Variants in CGAS observed in about 807,000 individuals in gnomAD.
CGAS encodes the protein cyclic GMP-AMP synthase.
CGAS carries 31 observed loss-of-function variants against 34.0 expected under a neutral mutation model. The observed-to-expected ratio is 0.91, with a 90% CI of 0.69 to 1.23. The LOEUF (loss-of-function observed/expected upper bound fraction) is 1.23, where lower values mean the gene tolerates loss of function less well. CGAS is among the 50% of genes most tolerant of loss of function. CGAS has a pLI of 0.00. For synonymous variants in CGAS, 266 were observed against 260.0 expected, an observed-to-expected ratio of 1.02 and a Z score of -0.22; for missense variants, 597 against 657.6, an observed-to-expected ratio of 0.91 and a Z score of 1.01.
Position 73,449,508 on chromosome 6 carries a change from C to CACACACACACACAA in CGAS, c.657+2016_657+2017insTTGTGTGTGTGTGT, listed in dbSNP as rs569310062. ...ACACACACACACACACACACACACACAAAGTGGTTCTGAATGGAGACTGTC... is the reference window on the plus strand; with the variant it reads ...ACACACACACACACACACACACACACACACACACACACAAAAAGTGGTTCTGAATGGAGACTGTC... On this transcript the variant is annotated intron_variant, in intron 1 of 4. Coordinates refer to ENST00000370315, the MANE Select transcript of CGAS (RefSeq NM_138441.3). Among the ~76,000 whole-genome samples, 747 of 150,426 alleles carry CACACACACACACAA rather than the reference C, an allele frequency of 5.0e-3. 5 individuals carry two copies. Among genetic ancestry groups the CACACACACACACAA allele is most frequent in the East Asian group, 7.7e-3 (39 of 5,082 alleles).
At chr6:73,428,607 C>A in intron 4 of CGAS, 102 bp downstream of exon 4, 1 of 1,084,160 alleles carries the variant, frequency 9.2e-7, no homozygotes. Flanking sequence ...GCCCTGCCCC[C>A]CAGACCCAAC....
At chr6:73,442,536 G>A (rs575701476) in intron 2 of CGAS, among the ~76,000 whole-genome samples, 1 of 150,772 alleles carries the variant, frequency 6.6e-6, no homozygotes, top group South Asian at 2.1e-4. Context: ...ATGTAGCTGG[G>A]ACCACAGGCA....
intron 3 of CGAS, among the ~76,000 whole-genome samples, chr6:73,435,843 T>C (rs1329549288): frequency 1.3e-5 from 2 of 151,802 alleles, no homozygotes; most frequent in Non-Finnish European, 2.9e-5. Flanking sequence ...ATATATTTTG[T>C]ATGTATATAA....
Position 73,452,155 on chromosome 6 carries a change from C to T in CGAS, c.27G>A (p.Met9Ile), listed in dbSNP as rs1484111485. The T allele has an allele frequency of 6.2e-7, 1 of 1,608,186 alleles. No homozygotes were observed. The highest frequency in any genetic ancestry group is 8.5e-7 in the Non-Finnish European group (1 of 1,177,970). ...TGGCTCCGGCCTCGGAAGCTCTCTG[C>T]ATGGCCTTTCCGTGCCAAGGCTGCA... MQPWHGKA[M>I]QRASEAGATA... The change falls in exon 1 of 5, where the codon ATG becomes ATA. Residue 9 changes from methionine to isoleucine, a missense_variant. By Grantham distance (10) the Met-to-Ile change is conservative. Coordinates refer to ENST00000370315, the MANE Select transcript of CGAS (RefSeq NM_138441.3).
At chr6:73,449,654 T>C (rs2150018876) in intron 1 of CGAS, among the ~76,000 whole-genome samples, 1 of 152,248 alleles carries the variant, frequency 6.6e-6, no homozygotes, top group East Asian at 1.9e-4. Context: ...ATCAGAGACA[T>C]ATCTGATGCT....
In CGAS at chr6:73,445,726, C is replaced by A. The variant is rs1451822934; in HGVS notation, c.679G>T (p.Asp227Tyr). 2.5e-6 allele frequency: 4 copies of A among 1,608,186 alleles called. No individual in the cohort carries two copies. The highest frequency in any genetic ancestry group is 1.7e-5 in the Admixed American group (1 of 59,310). ...HVKISAPNEFDVMFKLEVPRI... is the reference protein window; with the variant it reads ...HVKISAPNEFYVMFKLEVPRI... ...GGGACTTCCAGTTTAAACATGACATCAAATTCATTAGGTGCAGAAATCTAA... is the reference window on the plus strand; with the variant it reads ...GGGACTTCCAGTTTAAACATGACATAAAATTCATTAGGTGCAGAAATCTAA... The change falls in exon 2 of 5, where the codon GAT becomes TAT. Residue 227 changes from aspartate (D) to tyrosine (Y), a missense_variant. Physicochemically the swap from Asp to Tyr is radical, Grantham distance 160. Transcript: ENST00000370315.
At position 73,426,329 on chromosome 6, in the gene CGAS, T is replaced by TAAATGAAATG. The variant is rs571072520; in HGVS notation, c.1218-761_1218-752dup. Among the ~76,000 whole-genome samples, 101 of 146,152 alleles carry TAAATGAAATG rather than the reference T, an allele frequency of 6.9e-4. 1 individual carries two copies. The highest frequency in any genetic ancestry group is 1.2e-3 in the East Asian group (6 of 5,096). On this transcript the variant is annotated intron_variant, in intron 4 of 4. Transcript: ENST00000370315. ...AATAAAATAATAAAATAAAATGAAA[T>TAAATGAAATG]AAATGAAATGAAATGAAATGATAAA... is the stretch of plus-strand genomic sequence containing the variant.
intron 2 of CGAS, among the ~76,000 whole-genome samples, chr6:73,441,777 A>G (rs894154722): frequency 9.9e-5 from 15 of 152,212 alleles, no homozygotes; most frequent in Non-Finnish European, 2.1e-4. Flanking sequence ...GTAGAGCACA[A>G]AGGAGAAAAT....
chr6:73,440,564 T>C (rs778427519), intron 2 of CGAS, 119 bp from the exon 3 acceptor site: 95 of 922,212 alleles, frequency 1.0e-4, no homozygotes, highest in Non-Finnish European at 1.4e-4. Context: ...AAGTAAACAT[T>C]AGTGGTAAAA....
chr6:73,440,383 C>G lies in CGAS; in HGVS notation c.940G>C (p.Glu314Gln), dbSNP rs768480244. The change falls in exon 3 of 5, where the codon GAA becomes CAA. Residue 314 changes from glutamate to glutamine, a missense_variant. This residue lies in a region of CGAS where 271 missense variants were observed against 324.1 expected (regional missense o/e 0.84). Coordinates refer to ENST00000370315, the MANE Select transcript of CGAS (RefSeq NM_138441.3). ...AGGGTTATATCCACAGATATTTTTT[C>G]ACTAATAAGAAGTGTTACAGCAGGG... ...GSPAVTLLIS[E>Q]KISVDITLAL... 2.5e-6 allele frequency: 4 copies of G among 1,614,112 alleles called. No individual in the cohort carries two copies. The highest frequency in any genetic ancestry group is 3.4e-6 in the Non-Finnish European group (4 of 1,180,012).
intron 3 of CGAS, among the ~76,000 whole-genome samples, chr6:73,439,545 A>G (rs751461561): frequency 8.6e-5 from 13 of 151,734 alleles, no homozygotes; most frequent in Non-Finnish European, 1.6e-4. Flanking sequence ...CAAAAATATC[A>G]CCATTATAAA....
chr6:73,448,234 A>C (rs1770501220), intron 1 of CGAS, among the ~76,000 whole-genome samples: 1 of 152,038 alleles, frequency 6.6e-6, no homozygotes, highest in Non-Finnish European at 1.5e-5. Context: ...TCTACTAAAA[A>C]CACAAAAAAT....
intron 3 of CGAS, among the ~76,000 whole-genome samples, chr6:73,439,225 T>TC (rs1397836176): frequency 2.6e-5 from 4 of 151,646 alleles, no homozygotes; most frequent in African/African-American, 9.7e-5. Flanking sequence ...TCAGCTACTT[T>TC]CTTTTTTTTT....
intron 3 of CGAS, among the ~76,000 whole-genome samples, chr6:73,436,322 A>G (rs1770278545): frequency 2.0e-5 from 3 of 150,928 alleles, no homozygotes; most frequent in African/African-American, 7.3e-5. Flanking sequence ...AGATTTCCTT[A>G]GTTTTTACCT....
chr6:73,448,603 G>A (rs1003612274), intron 1 of CGAS, among the ~76,000 whole-genome samples: 1 of 151,884 alleles, frequency 6.6e-6, no homozygotes, highest in Non-Finnish European at 1.5e-5. Flanking sequence ...CCTAGAATTT[G>A]TAGTCCCAGG....
Position 73,425,577 on chromosome 6 carries a change from TC to T in CGAS, c.1218del (p.Asp408IlefsTer3). 1 of 1,559,594 alleles carries T rather than the reference TC, an allele frequency of 6.4e-7. No individual in the cohort carries two copies. The highest frequency in any genetic ancestry group is 8.7e-7 in the Non-Finnish European group (1 of 1,153,784). On this transcript the variant is annotated frameshift_variant and splice_region_variant, in exon 5 of 5. Transcript: ENST00000370315. LOFTEE classifies it low-confidence loss of function (END_TRUNC). ...TATTTCATTAGTTTTAAACAATCTTTCCTGTTGAATAAAAAAGGAAAACACT... is the reference window on the plus strand; with the variant it reads ...TATTTCATTAGTTTTAAACAATCTTTCTGTTGAATAAAAAAGGAAAACACT... ...CCENKEEKCC[R>X]KDCLKLMKYL...
intron 1 of CGAS, 114 bp downstream of exon 1, chr6:73,451,411 A>G (rs2150019563): frequency 1.7e-6 from 2 of 1,206,354 alleles, no homozygotes; most frequent in East Asian, 5.2e-5. Context: ...AAAACATGCA[A>G]AAGTCTAAGT....
At chr6:73,445,467 T>G in intron 2 of CGAS, 61 bp downstream of exon 2, 2 of 1,188,890 alleles carry the variant, frequency 1.7e-6, no homozygotes, top group Non-Finnish European at 2.4e-6. Flanking sequence ...AGAATGGGAG[T>G]GTACATTGGC....
At chr6:73,431,563 CT>C (rs1770196108) in intron 3 of CGAS, among the ~76,000 whole-genome samples, 1 of 152,154 alleles carries the variant, frequency 6.6e-6, no homozygotes, top group South Asian at 2.1e-4. Flanking sequence ...TACAAACTCT[CT>C]TTGGGAAACT....
Sources: allele counts gnomAD v4.1 joint callset (sites outside exome capture counted in the v4.1 genomes callset), GRCh38; gene constraint gnomAD v4.1.1; regional missense constraint gnomAD v4.1.1; transcripts MANE v1.5; gene names NCBI Gene and HGNC (gene_info 2026-07-23, HGNC 2026-07-21).